DNAJC14: variants seen among roughly 807,000 people sequenced by gnomAD.
The protein encoded by DNAJC14 is dnaJ homolog subfamily C member 14.
DNAJC14 carries 12 observed loss-of-function variants against 68.8 expected under a neutral mutation model. The observed-to-expected ratio is 0.17, with a 90% CI of 0.11 to 0.28. The LOEUF is 0.28. DNAJC14 is among the 10% of genes least tolerant of loss of function. The pLI is 1.00. For missense variants in DNAJC14, 764 were observed against 875.6 expected, an observed-to-expected ratio of 0.87 and a Z score of 1.61; for synonymous variants, 350 against 321.5, an observed-to-expected ratio of 1.09 and a Z score of -0.95.
At chr12:55,830,646 A>G (rs1248682356), upstream of DNAJC14, 1 of 152,500 alleles carries the variant, frequency 6.6e-6, no homozygotes, top group African/African-American at 2.4e-5. Context: ...TCTCCTAAGT[A>G]TTCGGAGACC....
chr12:55,822,820 G>C (rs541512613), intron 4 of DNAJC14, 88 bp from the exon 5 acceptor site: 1 of 1,516,480 alleles, frequency 6.6e-7, no homozygotes, highest in South Asian at 1.2e-5. Context: ...CACAAATAGG[G>C]CTGAAACATC....
In DNAJC14 at chr12:55,827,447, G is replaced by A. The variant is rs1489781002; in HGVS notation, c.1212C>T (p.Val404=). ...TCCCCTGCCTATTAATATTCTGCTT[G>A]ACCCAAGGCAACTCCAGCCAGCCCC... is the stretch of plus-strand genomic sequence containing the variant. ...VQWGWLELPW[V]KQNINRQGNA... The change falls in exon 2 of 7, where the codon GTC becomes GTT. Residue 404 remains valine (V), a synonymous_variant. Transcript: ENST00000678005. 4 of 1,605,672 alleles carry A rather than the reference G, an allele frequency of 2.5e-6. No individual in the cohort carries two copies. Among genetic ancestry groups the A allele is most frequent in the Non-Finnish European group, 3.4e-6 (4 of 1,174,432 alleles).
chr12:55,828,769 A>T, intron 1 of DNAJC14, 55 bp from the exon 2 acceptor site: 3 of 1,429,056 alleles, frequency 2.1e-6, no homozygotes, highest in Non-Finnish European at 2.8e-6. Context: ...AGAGGAATTA[A>T]ACAATCTCAA....
rs1880722414 is a variant in DNAJC14 at position 55,823,476 on chromosome 12, A to G, written c.1440T>C (p.Ala480=). 6.2e-7 allele frequency: 1 copy of G among 1,614,136 alleles called. No individual in the cohort carries two copies. Reference sequence around the variant, plus strand: ...CTCGCAAAACCTTGAAGGCCTCCTCAGCCCGGGGATGATGATTTTTGTCAG... The same window carrying G: ...CTCGCAAAACCTTGAAGGCCTCCTCGGCCCGGGGATGATGATTTTTGTCAG... ...VHPDKNHHPR[A]EEAFKVLRAA... is the part of the protein sequence containing the mutation. The change falls in exon 3 of 7, where the codon GCT becomes GCC. Residue 480 remains alanine (A), a synonymous_variant. Coordinates refer to ENST00000678005, the MANE Select transcript of DNAJC14 (RefSeq NM_032364.6).
Position 55,827,724 on chromosome 12 carries a change from C to T in DNAJC14, c.935G>A (p.Gly312Glu). 1 of 1,614,168 alleles carries T rather than the reference C, an allele frequency of 6.2e-7. No homozygotes were observed. The highest frequency in any genetic ancestry group is 8.5e-7 in the Non-Finnish European group (1 of 1,180,018). Residue 312 changes from glycine to glutamate, a missense_variant, in exon 2 of 7, where the codon GGG becomes GAG. Transcript: ENST00000678005. Reference protein sequence around the residue: ...AQVMFQFLSQGFYCGVGLFTR... With the variant: ...AQVMFQFLSQEFYCGVGLFTR... ...AAACAGTCCTACTCCACAGTAAAACCCCTGGCTTAGAAACTGAAACATGAC... is the reference window on the plus strand; with the variant it reads ...AAACAGTCCTACTCCACAGTAAAACTCCTGGCTTAGAAACTGAAACATGAC...
At position 55,821,390 on chromosome 12, in the gene DNAJC14, G is replaced by A. The variant is rs568512821; in HGVS notation, c.*587C>T. 1 of 152,732 alleles carries A rather than the reference G, an allele frequency of 6.5e-6. No individual in the cohort carries two copies. Among genetic ancestry groups the A allele is most frequent in the South Asian group, 2.1e-4 (1 of 4,826 alleles). 9.5% of individuals were successfully genotyped at this position (152,732 alleles called of 1,614,324 possible). ...GAAGATAGACTTGTAGCTTTAAAAGGGTGGGAAAAAGTGTCATCTGCCCTA... is the reference window on the plus strand; with the variant it reads ...GAAGATAGACTTGTAGCTTTAAAAGAGTGGGAAAAAGTGTCATCTGCCCTA... On this transcript the variant is annotated 3_prime_UTR_variant, in exon 7 of 7. Coordinates refer to ENST00000678005, the MANE Select transcript of DNAJC14 (RefSeq NM_032364.6).
At chr12:55,822,342 T>C (rs759574447) in intron 6 of DNAJC14, 31 bp downstream of exon 6, 2 of 1,601,260 alleles carry the variant, frequency 1.2e-6, no homozygotes, top group Non-Finnish European at 8.5e-7. Context: ...ACTGAAATAG[T>C]GGATAGATTA....
Position 55,828,338 on chromosome 12 carries a change from G to C in DNAJC14, c.321C>G (p.Leu107=), listed in dbSNP as rs189371856. Residue 107 remains leucine (L), a synonymous_variant, in exon 2 of 7, where the codon CTC becomes CTG. Coordinates refer to ENST00000678005, the MANE Select transcript of DNAJC14 (RefSeq NM_032364.6). ...GGTTCCCAGTCTCGTTTTCTTTTGAGAGTTCCTGGTCCACTCCTGATTCTT... is the reference window on the plus strand; with the variant it reads ...GGTTCCCAGTCTCGTTTTCTTTTGACAGTTCCTGGTCCACTCCTGATTCTT... The part of the protein sequence containing the change: ...SEEESGVDQE[L]SKENETGNQK... 8.4e-5 allele frequency: 135 copies of C among 1,613,822 alleles called. No homozygotes were observed. The highest frequency in any genetic ancestry group is 1.2e-5 in the Non-Finnish European group (14 of 1,179,936).
chr12:55,827,223 A>G, intron 2 of DNAJC14, 29 bp downstream of exon 2: 1 of 1,402,172 alleles, frequency 7.1e-7, no homozygotes, highest in Non-Finnish European at 9.3e-7. Context: ...GGAACAAAAG[A>G]GAGAAACAGG....
In DNAJC14 at chr12:55,827,647, A is replaced by C; in HGVS notation, c.1012T>G (p.Phe338Val). 6.2e-7 allele frequency: 1 copy of C among 1,612,750 alleles called. No homozygotes were observed. Among genetic ancestry groups the C allele is most frequent in the Non-Finnish European group, 8.5e-7 (1 of 1,179,398 alleles). Residue 338 changes from phenylalanine to valine, a missense_variant, in exon 2 of 7, where the codon TTT becomes GTT. Phe to Val is a conservative substitution (Grantham distance 50, BLOSUM62 -1). Transcript: ENST00000678005. ...GALLLLALAL[F>V]LGFLQLGWRF... ...CATCCCAACTGTAGAAAGCCCAAAA[A>C]GAGGGCCAGAGCCAGGAGCAGCAAA... is the stretch of plus-strand genomic sequence containing the variant.
rs561319056 is a variant in DNAJC14, at chr12:55,823,325, ACCC to A, written c.1514+74_1514+76del. On this transcript the variant is annotated intron_variant, in intron 3 of 6. Transcript: ENST00000678005. ...GTTCTCTCCATCTCAACAAGCCTCC[ACCC>A]CCAAGTCCAGATGCCTCTGCTATTG... 2,290 of 1,598,200 alleles carry A rather than the reference ACCC, an allele frequency of 1.4e-3. 12 individuals carry two copies. Among genetic ancestry groups the A allele is most frequent in the African/African-American group, 0.011 (816 of 74,570 alleles).
rs758448709 is a variant in DNAJC14, at chr12:55,828,302, C to T, written c.357G>A (p.Gly119=). 1.2e-6 allele frequency: 2 copies of T among 1,611,310 alleles called. No homozygotes were observed. Among genetic ancestry groups the T allele is most frequent in the African/African-American group, 2.7e-5 (2 of 74,594 alleles). ...KENETGNQKD[G]NSFLSIPSAC... is the part of the protein sequence containing the mutation. ...CAGATGGAATGGAAAGAAAAGAGTT[C>T]CCATCCTTCTGGTTCCCAGTCTCGT... is the stretch of plus-strand genomic sequence containing the variant. The change falls in exon 2 of 7, where the codon GGG becomes GGA. Residue 119 remains glycine (G), a synonymous_variant. Transcript: ENST00000678005.
At position 55,827,393 on chromosome 12, in the gene DNAJC14, G is replaced by A. The variant is rs777138900; in HGVS notation, c.1266C>T (p.Cys422=). 1 of 1,613,640 alleles carries A rather than the reference G, an allele frequency of 6.2e-7. No homozygotes were observed. Reference sequence around the variant, plus strand: ...GTCGAGCCACTTCCTCTTCAGGCTGGCAGTAGCGCCCACTAGCTACAGGTG... The same window carrying A: ...GTCGAGCCACTTCCTCTTCAGGCTGACAGTAGCGCCCACTAGCTACAGGTG... ...GNAPVASGRY[C]QPEEEVARLL... is the part of the protein sequence containing the mutation. Residue 422 remains cysteine, a synonymous_variant, in exon 2 of 7, where the codon TGC becomes TGT. Transcript: ENST00000678005.
rs775000634 is a variant in DNAJC14, at chr12:55,821,812, ACACCACTGCACTC to A, written c.*152_*164del. On this transcript the variant is annotated 3_prime_UTR_variant, in exon 7 of 7. Transcript: ENST00000678005. ...ACAGAGGTTGCAGTAAGCTGAGATCACACCACTGCACTCCAGCTGGGCAACAGAGCAAGACTCC... is the reference window on the plus strand; with the variant it reads ...ACAGAGGTTGCAGTAAGCTGAGATCACAGCTGGGCAACAGAGCAAGACTCC... 8 of 652,304 alleles carry A rather than the reference ACACCACTGCACTC, an allele frequency of 1.2e-5. No individual in the cohort carries two copies. Among genetic ancestry groups the A allele is most frequent in the Non-Finnish European group, 1.9e-5 (8 of 424,524 alleles). 40.4% of individuals were successfully genotyped at this position (652,304 alleles called of 1,614,324 possible). A position where few individuals can be genotyped will look rare whatever the true frequency, so the allele number is the denominator to read the frequency against.
Position 55,829,522 on chromosome 12 carries a change from G to C in DNAJC14, c.-90C>G, listed in dbSNP as rs552663216. On this transcript the variant is annotated 5_prime_UTR_variant, in exon 1 of 7. Coordinates refer to ENST00000678005, the MANE Select transcript of DNAJC14 (RefSeq NM_032364.6). ...GGCGGTAACTCCTCCCCCTCGAGCC[G>C]CCCGGCCTGGGGCCAGGGTGAGCTA... 1.0e-6 allele frequency: 1 copy of C among 982,998 alleles called. No homozygotes were observed. The highest frequency in any genetic ancestry group is 1.2e-6 in the Non-Finnish European group (1 of 829,472). The allele number at this position is 982,998 out of a possible 1,614,324, so 60.9% of individuals were successfully genotyped here.
Position 55,828,326 on chromosome 12 carries a change from G to T in DNAJC14, c.333C>A (p.Asn111Lys). The T allele has an allele frequency of 3.7e-6, 6 of 1,613,436 alleles. No individual in the cohort carries two copies. Among genetic ancestry groups the T allele is most frequent in the Non-Finnish European group, 5.1e-6 (6 of 1,179,840 alleles). The change falls in exon 2 of 7, where the codon AAC becomes AAA. Residue 111 changes from asparagine to lysine, a missense_variant. By Grantham distance (94) the Asn-to-Lys change is moderately conservative (BLOSUM62 0). Around this residue, in one of 4 missense-constraint regions of DNAJC14, gnomAD observed 514 missense variants for 521.7 expected, o/e 0.99. Coordinates refer to ENST00000678005, the MANE Select transcript of DNAJC14 (RefSeq NM_032364.6). ...TCCCATCCTTCTGGTTCCCAGTCTC[G>T]TTTTCTTTTGAGAGTTCCTGGTCCA... ...SGVDQELSKE[N>K]ETGNQKDGNS...
chr12:55,828,252 C>G lies in DNAJC14; in HGVS notation c.407G>C (p.Gly136Ala). ...CTCAGAGTAAGGCCCTTCTGGAATT[C>G]CAGGTGTTCCCTGGCAGTTGCAAGC... is the stretch of plus-strand genomic sequence containing the variant. ...PSACNCQGTP[G>A]IPEGPYSEGG... Residue 136 changes from glycine to alanine, a missense_variant, in exon 2 of 7, where the codon GGA (glycine) becomes GCA (alanine). This residue lies in a region of DNAJC14 where 514 missense variants were observed against 521.7 expected (regional missense o/e 0.99). Coordinates refer to ENST00000678005, the MANE Select transcript of DNAJC14 (RefSeq NM_032364.6). 1 of 1,604,620 alleles carries G rather than the reference C, an allele frequency of 6.2e-7. No individual in the cohort carries two copies. The highest frequency in any genetic ancestry group is 1.3e-5 in the African/African-American group (1 of 74,342).
intron 2 of DNAJC14, among the ~76,000 whole-genome samples, chr12:55,825,263 C>CT (rs1474003415): frequency 5.3e-5 from 8 of 151,566 alleles, no homozygotes; most frequent in Admixed American, 3.9e-4. Flanking sequence ...TTAATGGAAA[C>CT]TTTAGTTGCC....
chr12:55,830,734 C>G (rs1404007698), upstream of DNAJC14: 3 of 152,618 alleles, frequency 2.0e-5, no homozygotes. Flanking sequence ...TGGACTAGAG[C>G]AGTAGGCAAC....
Sources: allele counts gnomAD v4.1 joint callset (sites outside exome capture counted in the v4.1 genomes callset), GRCh38; gene constraint gnomAD v4.1.1; regional missense constraint gnomAD v4.1.1; transcripts MANE v1.5; gene names NCBI Gene and HGNC (gene_info 2026-07-23, HGNC 2026-07-21).